The following MKI67 variants were observed in gnomAD, a reference collection of about 807,000 sequenced individuals.
MKI67 encodes marker of proliferation Ki-67, also known as proliferation marker protein Ki-67.
Under a neutral mutation model 233.5 loss-of-function variants are expected in MKI67, and 152 were observed. The ratio of observed to expected loss-of-function variants is 0.65; its 90% CI spans 0.57 to 0.74. The LOEUF is 0.74. Among genes scored for constraint, MKI67 ranks in the 30% least tolerant of loss-of-function variants. The probability of loss-of-function intolerance (pLI) is 0.00; values close to 1 mark genes in which losing one functional copy is unlikely to be tolerated. For missense variants in MKI67, 3,940 were observed against 3,885.2 expected (o/e 1.01, Z -0.37); for synonymous variants, 1,465 against 1,418.5 (o/e 1.03, Z -0.74).
Position 128,123,009 on chromosome 10 carries a change from AG to A in MKI67, c.172-14del. 6.3e-7 allele frequency: 1 copy of A among 1,579,272 alleles called. No homozygotes were observed. Among genetic ancestry groups the A allele is most frequent in the Non-Finnish European group, 8.7e-7 (1 of 1,149,748 alleles). On this transcript the variant is annotated splice_polypyrimidine_tract_variant and intron_variant, in intron 3 of 14. Coordinates refer to ENST00000368654, the MANE Select transcript of MKI67 (RefSeq NM_002417.5). ...TATGTAATATTGCCTGCAAGTGAAA[AG>A]AAGGGGAAATATGTAACTAATGAAC...
In MKI67 at chr10:128,107,311, T is replaced by G; in HGVS notation, c.4529A>C (p.Gln1510Pro). 3 of 1,614,136 alleles carry G rather than the reference T, an allele frequency of 1.9e-6. No homozygotes were observed. The highest frequency in any genetic ancestry group is 2.5e-6 in the Non-Finnish European group (3 of 1,180,018). ...CACTTTCCTGAGACTTCTCTTGGACTGTGGCTTGGAGCTTGTTGGTGTGTC... is the reference window on the plus strand; with the variant it reads ...CACTTTCCTGAGACTTCTCTTGGACGGTGGCTTGGAGCTTGTTGGTGTGTC... ...PVDTPTSSKP[Q>P]SKRSLRKVDV... Residue 1510 changes from glutamine to proline, a missense_variant, in exon 13 of 15, where the codon CAG (glutamine) becomes CCG (proline). Transcript: ENST00000368654.
In MKI67 at chr10:128,112,374, C is replaced by A; in HGVS notation, c.1728G>T (p.Leu576Phe). ...EIHVEVKAQS[L>F]VISPPAPSPR... ...GACTAGGAGCTGGAGGGCTTATAAC[C>A]AAGCTTTGTGCCTTCACTTCCACAT... Residue 576 changes from leucine (L) to phenylalanine (F), a missense_variant, in exon 9 of 15, where the codon TTG (leucine) becomes TTT (phenylalanine). Physicochemically the swap from Leu to Phe is conservative, Grantham distance 22 (BLOSUM62 0). Coordinates refer to ENST00000368654, the MANE Select transcript of MKI67 (RefSeq NM_002417.5). 1.2e-6 allele frequency: 2 copies of A among 1,614,172 alleles called. No homozygotes were observed. The highest frequency in any genetic ancestry group is 2.2e-5 in the East Asian group (1 of 44,876).
rs779596815 is a variant in MKI67 at position 128,115,806 on chromosome 10, C to A, written c.602G>T (p.Gly201Val). Residue 201 changes from glycine (G) to valine (V), a missense_variant, in exon 7 of 15, where the codon GGG becomes GTG. Coordinates refer to ENST00000368654, the MANE Select transcript of MKI67 (RefSeq NM_002417.5). ...NGRNAADPIS[G>V]DFKEISSVKL... Reference sequence around the variant, plus strand: ...AACGCTGGAAATTTCTTTAAAATCCCCAGAAATGGGATCAGCTGCATTTCT... The same window carrying A: ...AACGCTGGAAATTTCTTTAAAATCCACAGAAATGGGATCAGCTGCATTTCT... The A allele has an allele frequency of 8.1e-6, 13 of 1,611,146 alleles. No individual in the cohort carries two copies. Among genetic ancestry groups the A allele is most frequent in the Non-Finnish European group, 1.1e-5 (13 of 1,180,020 alleles).
rs149756194 is a variant in MKI67 at position 128,103,316 on chromosome 10, G to A, written c.8524C>T (p.Pro2842Ser). Residue 2842 changes from proline to serine, a missense_variant, in exon 13 of 15, where the codon CCC (proline) becomes TCC (serine). By Grantham distance (74) the Pro-to-Ser change is moderately conservative. Transcript: ENST00000368654. ...TCTACTTTCTGGGCACGTGTCCTGG[G>A]CCGTCTCTTTGAGCTTGTTGCGGTG... The part of the protein sequence containing the change: ...EDTATSSKRR[P>S]RTRAQKVEVK... The A allele has an allele frequency of 1.0e-4, 164 of 1,614,188 alleles. No individual in the cohort carries two copies. In the African/African-American group the frequency reaches 1.8e-3, roughly 17 times the overall value.
chr10:128,103,157 C>T lies in MKI67; in HGVS notation c.8683G>A (p.Ala2895Thr), dbSNP rs751637607. The change falls in exon 13 of 15, where the codon GCA becomes ACA. Residue 2895 changes from alanine (A) to threonine (T), a missense_variant. Physicochemically the swap from Ala to Thr is moderately conservative, Grantham distance 58 (BLOSUM62 0). Coordinates refer to ENST00000368654, the MANE Select transcript of MKI67 (RefSeq NM_002417.5). ...CTCCTGCTGCCAATTACATCTTCTGCGTCCAGCTTCCGCTTTGCAGGTTGC... is the reference window on the plus strand; with the variant it reads ...CTCCTGCTGCCAATTACATCTTCTGTGTCCAGCTTCCGCTTTGCAGGTTGC... ...FKQPAKRKLD[A>T]EDVIGSRRQP... is the part of the protein sequence containing the mutation. The T allele has an allele frequency of 1.1e-5, 17 of 1,613,754 alleles. No individual in the cohort carries two copies. The highest frequency in any genetic ancestry group is 1.6e-4 in the Middle Eastern group (1 of 6,082).
chr10:128,121,431 AG>A (rs1194528042), intron 4 of MKI67, among the ~76,000 whole-genome samples: 1 of 141,016 alleles, frequency 7.1e-6, no homozygotes, highest in Non-Finnish European at 1.5e-5. Flanking sequence ...TATACCATAT[AG>A]TATATACTGT....
intron 14 of MKI67, 27 bp downstream of exon 14, chr10:128,101,231 A>G: frequency 1.6e-5 from 25 of 1,590,324 alleles, no homozygotes; most frequent in Non-Finnish European, 2.1e-5. Context: ...TGTGTCTTTT[A>G]AAACAGGGAA....
chr10:128,102,972 T>C lies in MKI67; in HGVS notation c.8868A>G (p.Leu2956=). 6.2e-7 allele frequency: 1 copy of C among 1,614,262 alleles called. No homozygotes were observed. The highest frequency in any genetic ancestry group is 8.5e-7 in the Non-Finnish European group (1 of 1,180,048). ...CCCGAAGAACTCTTCTGGATATTTT[T>C]AGAGGTTTTCCACTGTCAGGTGTTT... ...PKQTPDSGKP[L]KISRRVLRAP... Residue 2956 remains leucine, a synonymous_variant, in exon 13 of 15, where the codon CTA becomes CTG. Transcript: ENST00000368654.
intron 5 of MKI67, among the ~76,000 whole-genome samples, chr10:128,117,212 C>A (rs1464734532): frequency 2.0e-5 from 3 of 152,196 alleles, no homozygotes; most frequent in African/African-American, 7.2e-5. Flanking sequence ...TCTGTAACCC[C>A]CCACGAGCTC....
At chr10:128,099,940 T>G (rs890309610) in intron 14 of MKI67, among the ~76,000 whole-genome samples, 1 of 152,224 alleles carries the variant, frequency 6.6e-6, no homozygotes, top group Non-Finnish European at 1.5e-5. Context: ...GGTTGCTCTG[T>G]GTTTAGGAAT....
intron 7 of MKI67, among the ~76,000 whole-genome samples, chr10:128,114,098 C>A (rs866729941): frequency 6.6e-6 from 1 of 152,186 alleles, no homozygotes; most frequent in Non-Finnish European, 1.5e-5. Context: ...TGATGCTTCC[C>A]CACTAGGAAG....
intron 13 of MKI67, 76 bp downstream of exon 13, chr10:128,102,503 T>C: frequency 6.5e-7 from 1 of 1,529,154 alleles, no homozygotes; most frequent in Non-Finnish European, 8.8e-7. Context: ...TAACGTCAGG[T>C]TACATGCAAA....
At chr10:128,124,309 G>A (rs555605556) in intron 2 of MKI67, among the ~76,000 whole-genome samples, 2 of 152,206 alleles carry the variant, frequency 1.3e-5, no homozygotes, top group African/African-American at 2.4e-5. Context: ...GCAGGAGGAC[G>A]ACTATAGATG....
At position 128,125,614 on chromosome 10, in the gene MKI67, G is replaced by T. The variant is rs1327053612; in HGVS notation, c.54C>A (p.Pro18=). Residue 18 remains proline (P), a synonymous_variant, in exon 2 of 15, where the codon CCC becomes CCA. Coordinates refer to ENST00000368654, the MANE Select transcript of MKI67 (RefSeq NM_002417.5). The surrounding 1 kb of genome is among the most constrained non-coding windows in gnomAD (Gnocchi z 5.3). ...VTIKRSGVDG[P]HFPLSLSTCL... ...AGGTGCTGAGGCTCAGGGGAAAGTGGGGACCGTCGACCCCGCTCCTTTTGA... is the reference window on the plus strand; with the variant it reads ...AGGTGCTGAGGCTCAGGGGAAAGTGTGGACCGTCGACCCCGCTCCTTTTGA... 5 of 1,613,614 alleles carry T rather than the reference G, an allele frequency of 3.1e-6. No individual in the cohort carries two copies. The highest frequency in any genetic ancestry group is 3.4e-6 in the Non-Finnish European group (4 of 1,179,836).
chr10:128,113,769 T>C (rs1050408278), intron 7 of MKI67, among the ~76,000 whole-genome samples, 167 bp from the exon 8 acceptor site: 1 of 152,132 alleles, frequency 6.6e-6, no homozygotes, highest in African/African-American at 2.4e-5. Flanking sequence ...CTACTAAGAG[T>C]TCCTAAAGGA....
chr10:128,115,686 T>A lies in MKI67; in HGVS notation c.722A>T (p.Tyr241Phe). The change falls in exon 7 of 15, where the codon TAT becomes TTT. Residue 241 changes from tyrosine (Y) to phenylalanine (F), a missense_variant. Tyr to Phe is a conservative substitution (Grantham distance 22). Coordinates refer to ENST00000368654, the MANE Select transcript of MKI67 (RefSeq NM_002417.5). ...KKNESPFWKL[Y>F]ESVKKELDVK... is the part of the protein sequence containing the mutation. ...ATCCAACTCTTTCTTCACTGACTCA[T>A]AAAGCTTCCAAAAGGGAGATTCATT... 1 of 1,613,942 alleles carries A rather than the reference T, an allele frequency of 6.2e-7. No individual in the cohort carries two copies. The highest frequency in any genetic ancestry group is 8.5e-7 in the Non-Finnish European group (1 of 1,180,020).
chr10:128,126,153 A>T lies in MKI67; in HGVS notation c.-144T>A, dbSNP rs1358144672. ...GTCGAACCACCGCTCGTCAAGTCGC[A>T]CCCAAAGTCCGCCGCAGGAGGAGCC... On this transcript the variant is annotated 5_prime_UTR_variant, in exon 1 of 15. Coordinates refer to ENST00000368654, the MANE Select transcript of MKI67 (RefSeq NM_002417.5). The T allele has an allele frequency of 6.3e-6, 1 of 159,288 alleles. No individual in the cohort carries two copies. 9.9% of individuals were successfully genotyped at this position (159,288 alleles called of 1,614,324 possible).
intron 3 of MKI67, 27 bp from the exon 4 acceptor site, chr10:128,123,023 G>A: frequency 1.3e-6 from 2 of 1,565,896 alleles, no homozygotes; most frequent in South Asian, 1.1e-5. Context: ...GGGGAAATAT[G>A]TAACTAATGA....
Position 128,104,107 on chromosome 10 carries a change from A to G in MKI67, c.7733T>C (p.Ile2578Thr), listed in dbSNP as rs1228719840. 5 of 1,613,666 alleles carry G rather than the reference A, an allele frequency of 3.1e-6. No individual in the cohort carries two copies. The highest frequency in any genetic ancestry group is 1.3e-5 in the African/African-American group (1 of 74,766). The change falls in exon 13 of 15, where the codon ATT becomes ACT. Residue 2578 changes from isoleucine (I) to threonine (T), a missense_variant. Physicochemically the swap from Ile to Thr is moderately conservative, Grantham distance 89. Coordinates refer to ENST00000368654, the MANE Select transcript of MKI67 (RefSeq NM_002417.5). ...GCAGGGAATTTTTGTGTTTTTGTCA[A>G]TAGTCATTGACTCTTCAGTGTGACC... The part of the protein sequence containing the change: ...APGHTEESMT[I>T]DKNTKIPCKS...
Sources: gnomAD v4.1 joint callset for allele counts (sites outside exome capture counted in the v4.1 genomes callset) on GRCh38, gnomAD v4.1.1 for gene constraint, Gnocchi (gnomAD v3.1) non-coding constraint, MANE v1.5 for transcripts, NCBI Gene and HGNC (gene_info 2026-07-23, HGNC 2026-07-21) for gene names.